Variants in SHROOM3 observed in about 807,000 individuals in gnomAD.
The protein encoded by SHROOM3 is shroom family member 3.
In SHROOM3, 47 loss-of-function variants were observed where a neutral mutation model predicts 138.6. That is an observed-to-expected ratio of 0.34 (90% CI 0.27 to 0.43). The LOEUF (loss-of-function observed/expected upper bound fraction) is 0.43. Ranked by LOEUF, SHROOM3 falls within the 20% of genes least tolerant of loss-of-function variation. The pLI is 1.00. For synonymous variants in SHROOM3, 1,062 were observed against 1,063.3 expected (o/e 1.00, Z 0.02); for missense variants, 2,491 against 2,596.5 (o/e 0.96, Z 0.88).
chr4:76,774,492 T>C (rs1373906136), intron 10 of SHROOM3, among the ~76,000 whole-genome samples: 1 of 152,124 alleles, frequency 6.6e-6, no homozygotes, highest in Non-Finnish European at 1.5e-5. Flanking sequence ...AAAAAATTTT[T>C]TTAATCTGCA....
chr4:76,680,298 G>A (rs1719154788), intron 2 of SHROOM3, among the ~76,000 whole-genome samples: 1 of 151,928 alleles, frequency 6.6e-6, no homozygotes, highest in South Asian at 2.1e-4. Context: ...CCACCACCAC[G>A]CCCGGCTAAT....
chr4:76,531,493 T>A (rs189324016), intron 1 of SHROOM3, among the ~76,000 whole-genome samples: 21 of 152,318 alleles, frequency 1.4e-4, no homozygotes, highest in African/African-American at 5.1e-4. Flanking sequence ...ACAGATGTGC[T>A]GAGAGACTGG....
rs984582285 is a variant in SHROOM3, at chr4:76,740,473, C to T, written c.2300C>T (p.Ser767Leu). The T allele has an allele frequency of 2.5e-6, 4 of 1,611,838 alleles. No individual in the cohort carries two copies. The highest frequency in any genetic ancestry group is 1.7e-5 in the Admixed American group (1 of 59,874). The change falls in exon 5 of 11, where the codon TCG becomes TTG. Residue 767 changes from serine (S) to leucine (L), a missense_variant. Coordinates refer to ENST00000296043, the MANE Select transcript of SHROOM3 (RefSeq NM_020859.4). This position sits in a 1 kb window ranked among gnomAD's most constrained non-coding sequence, Gnocchi z 4.0. ...GRRGPGPGSASALQGFQYGKP... is the reference protein window; with the variant it reads ...GRRGPGPGSALALQGFQYGKP... ...AGGGGGCCCGGCCCAGGCAGCGCCT[C>T]GGCTCTTCAGGGCTTTCAGTACGGG...
At chr4:76,770,932 TC>T (rs1331795731) in intron 10 of SHROOM3, 34 bp downstream of exon 10, 1 of 1,613,852 alleles carries the variant, frequency 6.2e-7, no homozygotes, top group Admixed American at 1.7e-5. Context: ...CAACAAGTTC[TC>T]CCTCAAAGCC....
intron 1 of SHROOM3, 49 bp from the exon 2 acceptor site, chr4:76,555,560 G>C (rs746332451): frequency 6.2e-7 from 1 of 1,610,650 alleles, no homozygotes; most frequent in South Asian, 1.1e-5. Flanking sequence ...ACAGACCCCA[G>C]GCCAGGGGAA....
intron 2 of SHROOM3, among the ~76,000 whole-genome samples, chr4:76,556,159 C>T (rs1733480109): frequency 6.6e-6 from 1 of 152,198 alleles, no homozygotes; most frequent in Admixed American, 6.5e-5. Flanking sequence ...GGAACCACAC[C>T]TGCATCACAG....
intron 4 of SHROOM3, among the ~76,000 whole-genome samples, chr4:76,731,598 C>T (rs139272695): frequency 0.011 from 1,631 of 151,970 alleles, 31 homozygotes; most frequent in African/African-American, 0.037. Context: ...CTGGCCAACA[C>T]GGTGAAACCC....
chr4:76,446,325 TA>T (rs3041169), intron 1 of SHROOM3, among the ~76,000 whole-genome samples: 59,999 of 143,024 alleles, frequency 0.42, 12,612 homozygotes, highest in East Asian at 0.64. Flanking sequence ...GATAAACTGG[TA>T]AAAAAAAAAA....
At chr4:76,504,534 C>T (rs991912038) in intron 1 of SHROOM3, among the ~76,000 whole-genome samples, 1 of 152,112 alleles carries the variant, frequency 6.6e-6, no homozygotes, top group African/African-American at 2.4e-5. Context: ...GTTTAATGTA[C>T]GTATTATGGA....
chr4:76,645,433 T>C (rs1262290352), intron 2 of SHROOM3: 1 of 152,138 alleles, frequency 6.6e-6, no homozygotes, highest in Non-Finnish European at 1.5e-5. Flanking sequence ...CCACCTTGGG[T>C]GAAGTGGTGG....
rs548949008 is a variant in SHROOM3 at position 76,706,814 on chromosome 4, T to G, written c.324-3342T>G. The stretch of plus-strand genomic sequence containing the variant: ...CAGCAAGCAGGCAACTAGCAGCCAG[T>G]GTGAATTGCACTTTGAGGTGTACAT... On this transcript the variant is annotated intron_variant, in intron 2 of 10. Coordinates refer to ENST00000296043, the MANE Select transcript of SHROOM3 (RefSeq NM_020859.4). 2.0e-5 allele frequency among the ~76,000 whole-genome samples: 3 copies of G among 152,326 alleles called. No homozygotes were observed. In the South Asian group the frequency reaches 6.2e-4, roughly 32 times the overall value.
chr4:76,655,480 G>T (rs1736045488), intron 2 of SHROOM3, among the ~76,000 whole-genome samples: 1 of 152,160 alleles, frequency 6.6e-6, no homozygotes, highest in South Asian at 2.1e-4. Context: ...AAGAAAGACT[G>T]TTGGGCAGGA....
intron 2 of SHROOM3, among the ~76,000 whole-genome samples, chr4:76,658,025 C>T (rs1016925448): frequency 2.6e-5 from 4 of 152,210 alleles, no homozygotes; most frequent in Non-Finnish European, 4.4e-5. Flanking sequence ...TGCCTCTGGA[C>T]TTTTCCACAT....
chr4:76,503,167 C>CCACACACACA (rs111393161), intron 1 of SHROOM3, among the ~76,000 whole-genome samples: 1,834 of 145,848 alleles, frequency 0.013, 17 homozygotes, highest in Non-Finnish European at 0.015. Context: ...TTGTCAACTT[C>CCACACACACA]CACACACACA....
At chr4:76,561,904 G>T (rs569424243) in intron 2 of SHROOM3, among the ~76,000 whole-genome samples, 2 of 152,032 alleles carry the variant, frequency 1.3e-5, no homozygotes, top group East Asian at 3.9e-4. Flanking sequence ...CCAGCTACTC[G>T]GGAGGCTGAA....
At chr4:76,765,425 G>A (rs1358642671) in intron 9 of SHROOM3, among the ~76,000 whole-genome samples, 2 of 152,130 alleles carry the variant, frequency 1.3e-5, no homozygotes, top group Non-Finnish European at 1.5e-5. Flanking sequence ...CGCTGAGGTG[G>A]GAGGATCACC....
chr4:76,474,075 T>C (rs1731433476), intron 1 of SHROOM3, among the ~76,000 whole-genome samples: 1 of 152,106 alleles, frequency 6.6e-6, no homozygotes, highest in Non-Finnish European at 1.5e-5. Context: ...AAATAAAATA[T>C]GGTGTACTCA....
chr4:76,445,097 A>G (rs1305006952), intron 1 of SHROOM3, among the ~76,000 whole-genome samples: 2 of 69,404 alleles, frequency 2.9e-5, no homozygotes, highest in Admixed American at 1.6e-4. Flanking sequence ...CATTGTCTCA[A>G]AAAAAAAAAA....
chr4:76,600,430 G>T (rs1170890318), intron 2 of SHROOM3, among the ~76,000 whole-genome samples: 1 of 152,188 alleles, frequency 6.6e-6, no homozygotes, highest in East Asian at 1.9e-4. Context: ...AAAGAAAGCA[G>T]AAAACTGTGG....
Sources: allele counts gnomAD v4.1 joint callset (sites outside exome capture counted in the v4.1 genomes callset), GRCh38; gene constraint gnomAD v4.1.1; non-coding constraint Gnocchi (gnomAD v3.1); transcripts MANE v1.5; gene names NCBI Gene and HGNC (gene_info 2026-07-23, HGNC 2026-07-21).